PLEKHM2: variants seen among roughly 807,000 people sequenced by gnomAD.
PLEKHM2 encodes pleckstrin homology domain-containing family M member 2.
In PLEKHM2, 77 loss-of-function variants were observed where a neutral mutation model predicts 116.3. The observed-to-expected ratio is 0.66, with a 90% confidence interval of 0.55 to 0.80. The LOEUF (loss-of-function observed/expected upper bound fraction) is 0.80. Ranked by LOEUF, PLEKHM2 falls within the 30% of genes least tolerant of loss-of-function variation. The pLI is 0.00. For synonymous variants in PLEKHM2, 562 were observed against 571.0 expected, an observed-to-expected ratio of 0.98 and a Z score of 0.22; for missense variants, 1,183 against 1,354.9, an observed-to-expected ratio of 0.87 and a Z score of 1.99.
chr1:15,725,491 A>C lies in PLEKHM2; in HGVS notation c.887A>C (p.Glu296Ala), dbSNP rs1178844409. ...GTGCACACCACCTCTCAGGAGAAGGAGGAGGCCCAGGCCCTGGACCCGCCG... is the reference window on the plus strand; with the variant it reads ...GTGCACACCACCTCTCAGGAGAAGGCGGAGGCCCAGGCCCTGGACCCGCCG... The part of the protein sequence containing the change: ...TPVHTTSQEK[E>A]EAQALDPPDA... The change falls in exon 8 of 20, where the codon GAG (glutamate) becomes GCG (alanine). Residue 296 changes from glutamate (E) to alanine (A), a missense_variant. This residue lies in a region of PLEKHM2 where 372 missense variants were observed against 357.2 expected (regional missense o/e 1.04). Transcript: ENST00000375799. 6.3e-7 allele frequency: 1 copy of C among 1,581,098 alleles called. No homozygotes were observed. Among genetic ancestry groups the C allele is most frequent in the Admixed American group, 1.8e-5 (1 of 55,696 alleles).
intron 1 of PLEKHM2, among the ~76,000 whole-genome samples, chr1:15,690,638 G>A (rs1193380402): frequency 6.6e-6 from 1 of 152,238 alleles, no homozygotes; most frequent in African/African-American, 2.4e-5. Context: ...TTCCAGAGAA[G>A]TTGGTGCACC....
At chr1:15,696,091 G>A (rs986860884) in intron 1 of PLEKHM2, among the ~76,000 whole-genome samples, 34 of 151,888 alleles carry the variant, frequency 2.2e-4, no homozygotes, top group Non-Finnish European at 4.3e-4. Context: ...TGGGATTACA[G>A]GCATGAGCCA....
At chr1:15,731,347 C>T (rs2068140835) in intron 16 of PLEKHM2, 90 bp downstream of exon 16, 2 of 1,024,082 alleles carry the variant, frequency 2.0e-6, no homozygotes, top group African/African-American at 1.6e-5. Context: ...GCAGTTCAGC[C>T]TCGCCCTCAA....
chr1:15,725,713 G>A, intron 8 of PLEKHM2, 168 bp downstream of exon 8: 1 of 606,904 alleles, frequency 1.6e-6, no homozygotes, highest in Non-Finnish European at 2.9e-6. Flanking sequence ...AGAGGAAGTG[G>A]AGGCCTGTCC....
intron 1 of PLEKHM2, among the ~76,000 whole-genome samples, chr1:15,690,076 T>C (rs1220844866): frequency 6.0e-5 from 9 of 150,004 alleles, no homozygotes; most frequent in African/African-American, 2.2e-4. Context: ...TTTTTTTTGT[T>C]TTGTTTTTTT....
chr1:15,723,519 C>T (rs1205193424), intron 7 of PLEKHM2, among the ~76,000 whole-genome samples: 1 of 151,164 alleles, frequency 6.6e-6, no homozygotes, highest in African/African-American at 2.4e-5. Flanking sequence ...GCTGGAGGAT[C>T]GCCTGAGCCC....
intron 1 of PLEKHM2, among the ~76,000 whole-genome samples, chr1:15,706,761 C>T (rs1279806131): frequency 6.6e-6 from 1 of 152,114 alleles, no homozygotes; most frequent in African/African-American, 2.4e-5. Context: ...GATTTCCACA[C>T]CCTGCTTCAT....
rs754848923 is a variant in PLEKHM2 at position 15,728,837 on chromosome 1, C to T, written c.1986+104C>T. On this transcript the variant is annotated intron_variant, in intron 12 of 19. Coordinates refer to ENST00000375799, the MANE Select transcript of PLEKHM2 (RefSeq NM_015164.4). This position sits in a 1 kb window ranked among gnomAD's most constrained non-coding sequence, Gnocchi z 5.9. ...GAGGCACGGCCCCTTACTCCCCTCC[C>T]GGGGTTGGGCACCAACTTAACTCTC... is the stretch of plus-strand genomic sequence containing the variant. The T allele has an allele frequency of 2.2e-5, 24 of 1,093,840 alleles. No individual in the cohort carries two copies. Among genetic ancestry groups the T allele is most frequent in the African/African-American group, 1.7e-4 (11 of 63,976 alleles). 67.8% of individuals were successfully genotyped at this position (1,093,840 alleles called of 1,614,324 possible).
chr1:15,701,132 G>A (rs1057143927), intron 1 of PLEKHM2, among the ~76,000 whole-genome samples: 1 of 113,178 alleles, frequency 8.8e-6, no homozygotes, highest in Non-Finnish European at 1.7e-5. Flanking sequence ...AAAAAAAAGG[G>A]GGTGGGGGTA....
upstream of PLEKHM2, chr1:15,684,264 C>A (rs1025523810): frequency 6.6e-6 from 1 of 152,570 alleles, no homozygotes; most frequent in Non-Finnish European, 1.5e-5. Flanking sequence ...CAGGCGCAGG[C>A]GGGCCCTGGC....
chr1:15,710,272 G>A (rs561180398), intron 1 of PLEKHM2, among the ~76,000 whole-genome samples: 6 of 151,090 alleles, frequency 4.0e-5, no homozygotes, highest in Admixed American at 2.0e-4. Flanking sequence ...GAAGAAAATT[G>A]TAGTGAAATT....
At chr1:15,697,218 A>G (rs1641016243) in intron 1 of PLEKHM2, among the ~76,000 whole-genome samples, 1 of 152,256 alleles carries the variant, frequency 6.6e-6, no homozygotes, top group Admixed American at 6.5e-5. Context: ...AACCGAGCTC[A>G]GGGTCTCTGC....
At chr1:15,705,802 T>C (rs535378094) in intron 1 of PLEKHM2, among the ~76,000 whole-genome samples, 1 of 152,024 alleles carries the variant, frequency 6.6e-6, no homozygotes, top group African/African-American at 2.4e-5. Flanking sequence ...ATACAGAAAC[T>C]ATGGCAAGGC....
In PLEKHM2 at chr1:15,734,115, C is replaced by T. The variant is rs954959099; in HGVS notation, c.*181C>T. The T allele has an allele frequency of 8.0e-5, 54 of 671,450 alleles. 1 individual carries two copies. The East Asian group carries it at 9.1e-4, about 11-fold the overall frequency. The allele number at this position is 671,450 out of a possible 1,614,324, so 41.6% of individuals were successfully genotyped here. A position where few individuals can be genotyped will look rare whatever the true frequency, so the allele number is the denominator to read the frequency against. On this transcript the variant is annotated 3_prime_UTR_variant, in exon 20 of 20. Transcript: ENST00000375799. The stretch of plus-strand genomic sequence containing the variant: ...ACTCCAGGGATCCAGATCAGGTGCC[C>T]GGCACCCCTGGGCATCCTGCCCGAC...
At chr1:15,705,026 G>A (rs959326058) in intron 1 of PLEKHM2, among the ~76,000 whole-genome samples, 2 of 151,980 alleles carry the variant, frequency 1.3e-5, no homozygotes, top group African/African-American at 4.8e-5. Flanking sequence ...GAGGACCCCT[G>A]GTCTAACGCA....
chr1:15,699,196 AT>A (rs1224631025), intron 1 of PLEKHM2, among the ~76,000 whole-genome samples: 2 of 151,936 alleles, frequency 1.3e-5, no homozygotes, highest in Admixed American at 1.3e-4. Flanking sequence ...TTATACTTTA[AT>A]TTCTAGGGTA....
Position 15,733,837 on chromosome 1 carries a change from A to G in PLEKHM2, c.2963A>G (p.Lys988Arg), listed in dbSNP as rs1181134153. Residue 988 changes from lysine (K) to arginine (R), a missense_variant, in exon 20 of 20, where the codon AAG becomes AGG. Physicochemically the swap from Lys to Arg is conservative, Grantham distance 26 (BLOSUM62 2). Around this residue, in one of 3 missense-constraint regions of PLEKHM2, gnomAD observed 594 missense variants for 720.1 expected, o/e 0.82. Transcript: ENST00000375799. ...PHTAIQEASNKKKFEDALSLI... is the reference protein window; with the variant it reads ...PHTAIQEASNRKKFEDALSLI... ...ACGGCGATCCAGGAAGCCTCCAACA[A>G]GAAGAAATTCGAGGATGCCTTGAGC... 6.2e-7 allele frequency: 1 copy of G among 1,612,952 alleles called. No individual in the cohort carries two copies. The highest frequency in any genetic ancestry group is 8.5e-7 in the Non-Finnish European group (1 of 1,179,816).
At chr1:15,732,558 A>C (rs2068161489) in intron 18 of PLEKHM2, 29 bp downstream of exon 18, 1 of 1,605,260 alleles carries the variant, frequency 6.2e-7, no homozygotes, top group Admixed American at 1.7e-5. Context: ...CGGGGCTGCA[A>C]GGCCTGCAGA....
chr1:15,712,118 CAAAAAA>C (rs1005404755), intron 1 of PLEKHM2, among the ~76,000 whole-genome samples: 2 of 51,688 alleles, frequency 3.9e-5, no homozygotes, highest in African/African-American at 1.1e-4. Flanking sequence ...GATTCAGTCT[CAAAAAA>C]AAAAAAAAAA....
Sources: gnomAD v4.1 joint callset for allele counts (sites outside exome capture counted in the v4.1 genomes callset) on GRCh38, gnomAD v4.1.1 for gene constraint, gnomAD v4.1.1 regional missense constraint, Gnocchi (gnomAD v3.1) non-coding constraint, MANE v1.5 for transcripts, NCBI Gene and HGNC (gene_info 2026-07-23, HGNC 2026-07-21) for gene names.